Variants in STPG4 observed in about 807,000 individuals in gnomAD.
The protein encoded by STPG4 is sperm-tail PG-rich repeat containing 4, also known as protein STPG4.
A neutral mutation model predicts 31.5 loss-of-function variants in STPG4; 41 were observed. The observed-to-expected ratio is 1.30, with a 90% CI of 1.01 to 1.69. The LOEUF (loss-of-function observed/expected upper bound fraction) is 1.69, where lower values mean the gene tolerates loss of function less well. STPG4 is among the 40% of genes most tolerant of loss of function. The pLI is 0.00. For synonymous variants in STPG4, 141 were observed against 103.0 expected (o/e 1.37, Z -2.24); for missense variants, 375 against 293.4 (o/e 1.28, Z -2.03).
At chr2:47,152,366 C>G (rs905695003) in intron 2 of STPG4, among the ~76,000 whole-genome samples, 18 of 152,194 alleles carry the variant, frequency 1.2e-4, no homozygotes, top group African/African-American at 2.4e-5. Flanking sequence ...TTAGTCACTG[C>G]TGCTTTTGTG....
chr2:47,111,421 T>C (rs1247370956), intron 5 of STPG4, among the ~76,000 whole-genome samples: 1 of 152,190 alleles, frequency 6.6e-6, no homozygotes, highest in African/African-American at 2.4e-5. Flanking sequence ...AAGAGACTTA[T>C]TTAGGTCACT....
At chr2:47,089,692 T>A (rs1052618164) in intron 6 of STPG4, among the ~76,000 whole-genome samples, 5 of 152,144 alleles carry the variant, frequency 3.3e-5, no homozygotes. Flanking sequence ...CTTCACATTA[T>A]GCTTTTATAA....
chr2:47,090,207 A>T, intron 6 of STPG4, 63 bp downstream of exon 6: 1 of 1,185,068 alleles, frequency 8.4e-7, no homozygotes, highest in Non-Finnish European at 1.2e-6. Context: ...ATAGAAACAG[A>T]AAACCTACCA....
intron 5 of STPG4, among the ~76,000 whole-genome samples, chr2:47,090,828 T>C (rs1325938210): frequency 6.6e-6 from 1 of 152,224 alleles, no homozygotes; most frequent in East Asian, 1.9e-4. Context: ...CAAAAAAGTA[T>C]TCATAGCAAT....
intron 3 of STPG4, among the ~76,000 whole-genome samples, chr2:47,132,188 T>G (rs1376873449): frequency 1.4e-5 from 2 of 146,216 alleles, no homozygotes; most frequent in Non-Finnish European, 1.5e-5. Flanking sequence ...AATAGGAAGA[T>G]ATGTGAAGGA....
At chr2:47,096,618 A>G (rs991423544) in intron 5 of STPG4, among the ~76,000 whole-genome samples, 2 of 152,222 alleles carry the variant, frequency 1.3e-5, no homozygotes, top group Admixed American at 1.3e-4. Flanking sequence ...TGAATGTCCC[A>G]GGGGGTTAGG....
intron 5 of STPG4, among the ~76,000 whole-genome samples, chr2:47,098,616 A>T (rs945279409): frequency 1.3e-5 from 2 of 152,254 alleles, no homozygotes; most frequent in Non-Finnish European, 2.9e-5. Context: ...AGAAAGGGTC[A>T]GAAAAAAATT....
intron 3 of STPG4, among the ~76,000 whole-genome samples, chr2:47,140,662 T>A (rs1345957859): frequency 6.6e-6 from 1 of 152,220 alleles, no homozygotes; most frequent in East Asian, 1.9e-4. Context: ...GATTTTTCAG[T>A]TTGTTTAGCT....
intron 5 of STPG4, among the ~76,000 whole-genome samples, chr2:47,103,584 A>C (rs1205334216): frequency 2.0e-5 from 3 of 151,954 alleles, no homozygotes; most frequent in African/African-American, 7.3e-5. Context: ...GGAGCAGGCC[A>C]ATCACCTGGT....
intron 5 of STPG4, among the ~76,000 whole-genome samples, chr2:47,102,711 A>G (rs745871470): frequency 2.2e-4 from 34 of 151,192 alleles, no homozygotes; most frequent in Non-Finnish European, 4.6e-4. Context: ...TAAGCAAAGA[A>G]ATCTCCAAAG....
chr2:47,135,709 T>G (rs1686583210), intron 3 of STPG4, among the ~76,000 whole-genome samples: 1 of 152,102 alleles, frequency 6.6e-6, no homozygotes, highest in Non-Finnish European at 1.5e-5. Flanking sequence ...AATGTGGATA[T>G]CCAGTTGTTC....
chr2:47,108,215 G>C (rs1370239308), intron 5 of STPG4, among the ~76,000 whole-genome samples: 1 of 151,546 alleles, frequency 6.6e-6, no homozygotes, highest in Non-Finnish European at 1.5e-5. Context: ...CCAATCAGCA[G>C]GATGTGGGTG....
At chr2:47,099,418 G>A (rs1685741220) in intron 5 of STPG4, among the ~76,000 whole-genome samples, 1 of 152,246 alleles carries the variant, frequency 6.6e-6, no homozygotes, top group Non-Finnish European at 1.5e-5. Context: ...GGCAGGAGCA[G>A]GACTAGGAAG....
chr2:47,107,544 G>A lies in STPG4; in HGVS notation c.520-17170C>T, dbSNP rs186965121. On this transcript the variant is annotated intron_variant, in intron 5 of 6. Coordinates refer to ENST00000445927, the MANE Select transcript of STPG4 (RefSeq NM_001163561.2). ...GGGCAGGGCTCAGGACCTGCAGCCC[G>A]CCATGCCTGAGCCTCCCACCCCCTG... Among the ~76,000 whole-genome samples the A allele has an allele frequency of 9.6e-4, 146 of 152,238 alleles. 1 individual carries two copies. The highest frequency in any genetic ancestry group is 4.6e-3 in the South Asian group (22 of 4,800).
chr2:47,149,686 A>T (rs1168912092), intron 3 of STPG4, among the ~76,000 whole-genome samples: 1 of 152,232 alleles, frequency 6.6e-6, no homozygotes, highest in Admixed American at 6.5e-5. Context: ...GCTGCAATAC[A>T]TTTCTCTCAG....
intron 5 of STPG4, among the ~76,000 whole-genome samples, chr2:47,126,457 A>G (rs2347607): frequency 0.85 from 129,611 of 152,132 alleles, 56,068 homozygotes; most frequent in South Asian, 0.95. Flanking sequence ...TCGCTGAGTA[A>G]CTGGGACCAC....
intron 1 of STPG4, among the ~76,000 whole-genome samples, chr2:47,153,982 C>T (rs904659656): frequency 5.3e-5 from 8 of 152,158 alleles, no homozygotes; most frequent in African/African-American, 7.2e-5. Flanking sequence ...TTTATTTCAG[C>T]CCATTGTCCA....
chr2:47,096,680 G>C (rs866281076), intron 5 of STPG4, among the ~76,000 whole-genome samples: 9 of 152,178 alleles, frequency 5.9e-5, no homozygotes, highest in African/African-American at 2.2e-4. Flanking sequence ...AGCTTAAAAA[G>C]TCAAATCCAC....
At chr2:47,112,129 T>C (rs767668531) in intron 5 of STPG4, among the ~76,000 whole-genome samples, 3 of 152,214 alleles carry the variant, frequency 2.0e-5, no homozygotes, top group East Asian at 1.9e-4. Flanking sequence ...TCATTATTCA[T>C]TTTTTCATAG....
Sources: gnomAD v4.1 joint callset for allele counts (sites outside exome capture counted in the v4.1 genomes callset) on GRCh38, gnomAD v4.1.1 for gene constraint, MANE v1.5 for transcripts, NCBI Gene and HGNC (gene_info 2026-07-23, HGNC 2026-07-21) for gene names.